ZFC3H1: variants seen among roughly 807,000 people sequenced by gnomAD.
ZFC3H1 encodes zinc finger C3H1-type containing.
ZFC3H1 carries 71 observed loss-of-function variants against 243.7 expected under a neutral mutation model. The ratio of observed to expected loss-of-function variants is 0.29; its 90% CI spans 0.24 to 0.36. The LOEUF (loss-of-function observed/expected upper bound fraction) is 0.36, where lower values mean the gene tolerates loss of function less well. Among genes scored for constraint, ZFC3H1 ranks in the 10% least tolerant of loss-of-function variants. The probability of loss-of-function intolerance (pLI) is 1.00; values close to 1 mark genes in which losing one functional copy is unlikely to be tolerated. For missense variants in ZFC3H1, 1,966 were observed against 2,317.1 expected, an observed-to-expected ratio of 0.85 and a Z score of 3.11; for synonymous variants, 838 against 813.0, an observed-to-expected ratio of 1.03 and a Z score of -0.52.
At position 71,642,484 on chromosome 12, in the gene ZFC3H1, T is replaced by C; in HGVS notation, c.1579A>G (p.Asn527Asp). The C allele has an allele frequency of 6.2e-7, 1 of 1,613,648 alleles. No homozygotes were observed. Among genetic ancestry groups the C allele is most frequent in the Non-Finnish European group, 8.5e-7 (1 of 1,179,782 alleles). Residue 527 changes from asparagine (N) to aspartate (D), a missense_variant, in exon 6 of 35, where the codon AAC becomes GAC. By Grantham distance (23) the Asn-to-Asp change is conservative. Around this residue, in one of 4 missense-constraint regions of ZFC3H1, gnomAD observed 1,383 missense variants for 1,723.7 expected, o/e 0.80. Coordinates refer to ENST00000378743, the MANE Select transcript of ZFC3H1 (RefSeq NM_144982.5). ...DSGGGIYQYD[N>D]YEEVAMDTDS... ...GTATCCATAGCAACTTCTTCATAGT[T>C]ATCATACTGATAAATGCCTCCTCCA...
Position 71,634,840 on chromosome 12 carries a change from A to G in ZFC3H1, c.2239-15T>C. The G allele has an allele frequency of 1.3e-6, 2 of 1,539,938 alleles. No homozygotes were observed. The highest frequency in any genetic ancestry group is 1.8e-6 in the Non-Finnish European group (2 of 1,141,130). On this transcript the variant is annotated splice_polypyrimidine_tract_variant and intron_variant, in intron 10 of 34. Transcript: ENST00000378743. ...TTTGAAGCTTGCTAAAAAAAAAAAA[A>G]CATTTGAAGTCAACTAGATCATCAG...
chr12:71,628,963 T>C lies in ZFC3H1; in HGVS notation c.3901A>G (p.Ser1301Gly), dbSNP rs1296675069. The change falls in exon 20 of 35, where the codon AGC (serine) becomes GGC (glycine). Residue 1301 changes from serine (S) to glycine (G), a missense_variant. Around this residue, in one of 4 missense-constraint regions of ZFC3H1, gnomAD observed 1,383 missense variants for 1,723.7 expected, o/e 0.80. Transcript: ENST00000378743. ...GACTGTTCCTCATCACTACTGAAGC[T>C]ATTATCTGAAATAGGTTTTCTCCAA... ...KFWRKPISDN[S>G]FSSDEEQSTG... 3 of 1,613,312 alleles carry C rather than the reference T, an allele frequency of 1.9e-6. No individual in the cohort carries two copies. The East Asian group carries it at 6.7e-5, about 36-fold the overall frequency.
intron 2 of ZFC3H1, among the ~76,000 whole-genome samples, chr12:71,648,973 C>T (rs998747744): frequency 6.6e-6 from 1 of 151,770 alleles, no homozygotes; most frequent in Non-Finnish European, 1.5e-5. Flanking sequence ...CGCCTGTAGT[C>T]CCAGCTACTC....
Position 71,632,871 on chromosome 12 carries a change from C to T in ZFC3H1, c.2817+15G>A, listed in dbSNP as rs770829258. 6.2e-7 allele frequency: 1 copy of T among 1,606,662 alleles called. No homozygotes were observed. Among genetic ancestry groups the T allele is most frequent in the Non-Finnish European group, 8.5e-7 (1 of 1,178,286 alleles). On this transcript the variant is annotated intron_variant, in intron 14 of 34. Coordinates refer to ENST00000378743, the MANE Select transcript of ZFC3H1 (RefSeq NM_144982.5). Reference sequence around the variant, plus strand: ...TCTGCTTTCCAAAAGTAAAATATTTCTATAAAACCCTCACCCCAAAGCGAT... The same window carrying T: ...TCTGCTTTCCAAAAGTAAAATATTTTTATAAAACCCTCACCCCAAAGCGAT...
chr12:71,624,781 A>G (rs1373875389), intron 22 of ZFC3H1, among the ~76,000 whole-genome samples: 6 of 152,164 alleles, frequency 3.9e-5, no homozygotes, highest in African/African-American at 1.4e-4. Context: ...AGCCTGGCCA[A>G]TATGGTGAAA....
chr12:71,628,793 T>C, intron 20 of ZFC3H1, 125 bp downstream of exon 20: 1 of 945,474 alleles, frequency 1.1e-6, no homozygotes, highest in East Asian at 2.9e-5. Context: ...CCCAATGGCA[T>C]CGTTTTTAAA....
Position 71,622,221 on chromosome 12 carries a change from A to C in ZFC3H1, c.4744+1139T>G, listed in dbSNP as rs140006383. Among the ~76,000 whole-genome samples, 38 of 152,250 alleles carry C rather than the reference A, an allele frequency of 2.5e-4. No individual in the cohort carries two copies. In the East Asian group the frequency reaches 7.3e-3, roughly 29 times the overall value. ...TTCCTTCACAGGGTATTTAATAAGC[A>C]CTTAATAATTTGCCAGACATCCTTA... On this transcript the variant is annotated intron_variant, in intron 24 of 34. Transcript: ENST00000378743.
chr12:71,656,025 T>C (rs1881008808), intron 2 of ZFC3H1, among the ~76,000 whole-genome samples: 1 of 152,170 alleles, frequency 6.6e-6, no homozygotes, highest in Admixed American at 6.5e-5. Context: ...AAAGAAGCTA[T>C]AATGAAAGGC....
Position 71,638,458 on chromosome 12 carries a change from G to A in ZFC3H1, c.1685C>T (p.Pro562Leu), listed in dbSNP as rs1296126696. 2 of 1,612,906 alleles carry A rather than the reference G, an allele frequency of 1.2e-6. No homozygotes were observed. The highest frequency in any genetic ancestry group is 1.1e-5 in the South Asian group (1 of 90,846). ...FSECSLGYFS[P>L]APSLSLPPPP... ...TGGAGGCAAAGAAAGAGATGGTGCT[G>A]GAGAAAAATACCCCAATGAACATTC... The change falls in exon 7 of 35, where the codon CCA (proline) becomes CTA (leucine). Residue 562 changes from proline to leucine, a missense_variant. Around this residue, in one of 4 missense-constraint regions of ZFC3H1, gnomAD observed 1,383 missense variants for 1,723.7 expected, o/e 0.80. Coordinates refer to ENST00000378743, the MANE Select transcript of ZFC3H1 (RefSeq NM_144982.5).
At chr12:71,621,778 C>T (rs533205892) in intron 24 of ZFC3H1, among the ~76,000 whole-genome samples, 3 of 152,196 alleles carry the variant, frequency 2.0e-5, no homozygotes, top group East Asian at 1.9e-4. Flanking sequence ...TTTACTCCTC[C>T]TCCTCTTCCC....
intron 1 of ZFC3H1, among the ~76,000 whole-genome samples, chr12:71,662,409 G>A (rs1290665201): frequency 1.3e-5 from 2 of 151,968 alleles, no homozygotes; most frequent in Admixed American, 6.6e-5. Context: ...AAACGTAAAG[G>A]AGGTAAAGTG....
chr12:71,633,877 C>G (rs1207065155), intron 12 of ZFC3H1, among the ~76,000 whole-genome samples: 3 of 152,144 alleles, frequency 2.0e-5, no homozygotes, highest in Admixed American at 6.5e-5. Flanking sequence ...AGGCTAGTCT[C>G]AAACTCCTGA....
At chr12:71,649,230 A>G (rs1880814543) in intron 2 of ZFC3H1, among the ~76,000 whole-genome samples, 1 of 152,220 alleles carries the variant, frequency 6.6e-6, no homozygotes, top group Admixed American at 6.5e-5. Context: ...CCATGTAGGA[A>G]TACACAAACA....
chr12:71,642,926 C>T (rs926361154), intron 5 of ZFC3H1, among the ~76,000 whole-genome samples: 2 of 151,990 alleles, frequency 1.3e-5, no homozygotes, highest in Non-Finnish European at 2.9e-5. Flanking sequence ...TATGTCATCA[C>T]GACTACATAC....
intron 12 of ZFC3H1, 138 bp from the exon 13 acceptor site, chr12:71,633,576 ATTTT>A: frequency 1.1e-5 from 7 of 622,676 alleles, no homozygotes; most frequent in Non-Finnish European, 1.9e-5. Flanking sequence ...AGGGATGAAT[ATTTT>A]TATATTCATC....
chr12:71,651,805 C>T (rs1032287303), intron 2 of ZFC3H1, among the ~76,000 whole-genome samples: 13 of 152,096 alleles, frequency 8.5e-5, no homozygotes, highest in African/African-American at 3.1e-4. Flanking sequence ...TAAGAACACC[C>T]TAAGGAGACA....
At chr12:71,620,878 C>T (rs75044268) in intron 24 of ZFC3H1, among the ~76,000 whole-genome samples, 2,007 of 152,312 alleles carry the variant, frequency 0.013, 42 homozygotes, top group African/African-American at 0.045. Context: ...CCCAATGGTA[C>T]CACAGCTTCC....
At chr12:71,658,092 T>A (rs1881067008) in intron 1 of ZFC3H1, among the ~76,000 whole-genome samples, 2 of 152,108 alleles carry the variant, frequency 1.3e-5, no homozygotes, top group African/African-American at 4.8e-5. Flanking sequence ...AAGCAACTGT[T>A]CTTACTTTCT....
At chr12:71,632,546 A>T (rs1880350477) in intron 14 of ZFC3H1, 32 bp from the exon 15 acceptor site, 1 of 1,516,634 alleles carries the variant, frequency 6.6e-7, no homozygotes. Flanking sequence ...CGTATTTTAC[A>T]TCACTGTGAT....
Sources: allele counts gnomAD v4.1 joint callset (sites outside exome capture counted in the v4.1 genomes callset), GRCh38; gene constraint gnomAD v4.1.1; regional missense constraint gnomAD v4.1.1; transcripts MANE v1.5; gene names NCBI Gene and HGNC (gene_info 2026-07-23, HGNC 2026-07-21).